Variants in ARSH observed in about 807,000 individuals in gnomAD.
ARSH encodes arylsulfatase H.
A neutral mutation model predicts 28.7 loss-of-function variants in ARSH; 32 were observed. That is an observed-to-expected ratio of 1.11 (90% CI 0.84 to 1.50). The LOEUF is 1.50. Among genes scored for constraint, ARSH ranks in the 40% most tolerant of loss-of-function variants. ARSH has a pLI of 0.00. For missense variants in ARSH, 440 were observed against 452.4 expected (o/e 0.97, Z 0.25); for synonymous variants, 176 against 177.3 (o/e 0.99, Z 0.06).
intron 5 of ARSH, among the ~76,000 whole-genome samples, chrX:3,019,999 A>T (rs949032079): frequency 4.6e-5 from 5 of 109,644 alleles, no homozygotes; most frequent in Non-Finnish European, 1.9e-5. Context: ...TAGAATACAG[A>T]GAGGGGCCAG....
At chrX:3,020,971 C>T (rs2089882242) in intron 5 of ARSH, among the ~76,000 whole-genome samples, 1 of 111,088 alleles carries the variant, frequency 9.0e-6, no homozygotes, top group South Asian at 3.7e-4. Flanking sequence ...TACACACACC[C>T]CATATGGTTT....
Position 3,017,378 on chromosome X carries a change from C to CA in ARSH, c.765-1154dup, listed in dbSNP as rs756054558. Among the ~76,000 whole-genome samples the CA allele has an allele frequency of 5.1e-4, 56 of 110,315 alleles. 1 individual carries two copies. In the South Asian group the frequency reaches 0.019, roughly 38 times the overall value. Reference sequence around the variant, plus strand: ...CCCAGGAGTTTGACACCAGACTGGGCAATATAGTGAGCTCCCATCTCTACA... The same window carrying CA: ...CCCAGGAGTTTGACACCAGACTGGGCAAATATAGTGAGCTCCCATCTCTACA... On this transcript the variant is annotated intron_variant, in intron 4 of 8. Transcript: ENST00000381130.
chrX:3,032,756 C>T (rs762496794), intron 8 of ARSH, among the ~76,000 whole-genome samples: 4 of 111,839 alleles, frequency 3.6e-5, no homozygotes, highest in Non-Finnish European at 7.5e-5. Flanking sequence ...ATTTGGTATT[C>T]CCAGAATTAC....
rs146474927 is a variant in ARSH at position 3,013,190 on chromosome X, T to C, written c.340+18T>C. 1 of 1,197,214 alleles carries C rather than the reference T, an allele frequency of 8.4e-7. No homozygotes were observed. Among genetic ancestry groups the C allele is most frequent in the East Asian group, 3.0e-5 (1 of 33,122 alleles). ...ACTCATAGGTATGGCGCCGGAACTC[T>C]GCCCGTGGAAACGTGATCCTGCAGC... On this transcript the variant is annotated intron_variant, in intron 3 of 8. Transcript: ENST00000381130.
intron 4 of ARSH, among the ~76,000 whole-genome samples, chrX:3,016,119 T>A: frequency 9.3e-6 from 1 of 107,344 alleles, no homozygotes; most frequent in African/African-American, 3.4e-5. Context: ...CAAGTGATCC[T>A]CCCACCTCAG....
chrX:3,012,387 C>T (rs972168392), intron 2 of ARSH, among the ~76,000 whole-genome samples: 1 of 100,510 alleles, frequency 9.9e-6, no homozygotes, highest in Non-Finnish European at 2.0e-5. Flanking sequence ...AAAACACACA[C>T]ACAAAAAATA....
chrX:3,013,591 G>A (rs2089857397), intron 3 of ARSH, among the ~76,000 whole-genome samples: 1 of 107,444 alleles, frequency 9.3e-6, no homozygotes, highest in Admixed American at 1.0e-4. Flanking sequence ...GGCGGGGGTG[G>A]GGGTTTGGGG....
At position 3,029,339 on chromosome X, in the gene ARSH, T is replaced by A. The variant is rs1260046688; in HGVS notation, c.1292T>A (p.Leu431Gln). ...CTCTTCCACTACTGTGGGGTCTATCTGCACACGGTCAGGTGGCATCAGAAG... is the reference window on the plus strand; with the variant it reads ...CTCTTCCACTACTGTGGGGTCTATCAGCACACGGTCAGGTGGCATCAGAAG... ...EFLFHYCGVY[L>Q]HTVRWHQKDC... is the part of the protein sequence containing the mutation. The change falls in exon 8 of 9, where the codon CTG (leucine) becomes CAG (glutamine). Residue 431 changes from leucine (L) to glutamine (Q), a missense_variant. By Grantham distance (113) the Leu-to-Gln change is moderately radical. Transcript: ENST00000381130. The A allele has an allele frequency of 1.6e-5, 19 of 1,210,794 alleles. No individual in the cohort carries two copies. Among genetic ancestry groups the A allele is most frequent in the Non-Finnish European group, 5.6e-6 (5 of 895,120 alleles).
In ARSH at chrX:3,015,353, G is replaced by A. The variant is rs1021593742; in HGVS notation, c.724G>A (p.Ala242Thr). Residue 242 changes from alanine (A) to threonine (T), a missense_variant, in exon 4 of 9, where the codon GCT (alanine) becomes ACT (threonine). By Grantham distance (58) the Ala-to-Thr change is moderately conservative. Coordinates refer to ENST00000381130, the MANE Select transcript of ARSH (RefSeq NM_001011719.2). Reference protein sequence around the residue: ...IQQPMKEEKVASLMLKEALAF... With the variant: ...IQQPMKEEKVTSLMLKEALAF... The stretch of plus-strand genomic sequence containing the variant: ...GCAGCCAATGAAAGAGGAGAAAGTA[G>A]CTTCCCTCATGCTGAAGGAGGCACT... 1 of 1,209,952 alleles carries A rather than the reference G, an allele frequency of 8.3e-7. No homozygotes were observed. The highest frequency in any genetic ancestry group is 1.1e-6 in the Non-Finnish European group (1 of 895,238).
rs937609255 is a variant in ARSH at position 3,024,036 on chromosome X, C to T, written c.917C>T (p.Ala306Val). 2.5e-6 allele frequency: 3 copies of T among 1,209,811 alleles called. No homozygotes were observed. The highest frequency in any genetic ancestry group is 1.7e-5 in the African/African-American group (1 of 57,536). Reference protein sequence around the residue: ...MDWMVGKILDALDQERLANHT... With the variant: ...MDWMVGKILDVLDQERLANHT... ...CCCTCTCCAGGTAAAATCCTGGATG[C>T]CCTGGACCAGGAGCGCCTGGCCAAC... Residue 306 changes from alanine (A) to valine (V), a missense_variant, in exon 6 of 9, where the codon GCC becomes GTC. Coordinates refer to ENST00000381130, the MANE Select transcript of ARSH (RefSeq NM_001011719.2).
At chrX:3,008,065 T>C (rs1458626989) in intron 1 of ARSH, among the ~76,000 whole-genome samples, 2 of 112,098 alleles carry the variant, frequency 1.8e-5, no homozygotes, top group African/African-American at 6.5e-5. Flanking sequence ...AGGGACACAA[T>C]TTAGCTCATA....
In ARSH at chrX:3,023,674, A is replaced by G. The variant is rs763707746; in HGVS notation, c.902-347A>G. Among the ~76,000 whole-genome samples the G allele has an allele frequency of 1.3e-3, 134 of 107,121 alleles. 1 individual carries two copies. Among genetic ancestry groups the G allele is most frequent in the Non-Finnish European group, 5.9e-4 (31 of 52,361 alleles). 93.0% of individuals were successfully genotyped at this position (107,121 alleles called of 115,157 possible). A position where few individuals can be genotyped will look rare whatever the true frequency, so the allele number is the denominator to read the frequency against. ...TACATCATGTTATATATTAATATGT[A>G]TTTGTAAGAAATATGTACTATATAT... On this transcript the variant is annotated intron_variant, in intron 5 of 8. Transcript: ENST00000381130.
At position 3,029,308 on chromosome X, in the gene ARSH, G is replaced by T; in HGVS notation, c.1261G>T (p.Glu421Ter). 8.3e-6 allele frequency: 10 copies of T among 1,210,815 alleles called. No homozygotes were observed. The highest frequency in any genetic ancestry group is 1.1e-5 in the Non-Finnish European group (10 of 895,120). Reference protein sequence around the residue: ...LEGRASHSDHEFLFHYCGVYL... With the variant: ...LEGRASHSDH ...AGGAAGGGCGTCCCACTCCGACCAC[G>T]AGTTCCTCTTCCACTACTGTGGGGT... Residue 421 changes from glutamate to a stop codon, truncating the protein, a stop_gained, in exon 8 of 9, where the codon GAG (glutamate) becomes TAG (stop). Transcript: ENST00000381130. LOFTEE classifies it high-confidence loss of function.
chrX:3,006,724 C>G lies in ARSH; in HGVS notation c.92+20C>G, dbSNP rs1026915918. On this transcript the variant is annotated intron_variant, in intron 1 of 8. Transcript: ENST00000381130. ...AGTGAGGTAAAGATGGACTCTGACC[C>G]CCTCCCTGTATGTGGGAGTCTCCCT... The G allele has an allele frequency of 1.7e-6, 2 of 1,162,545 alleles. No individual in the cohort carries two copies.
chrX:3,016,562 C>T (rs1423874786), intron 4 of ARSH, among the ~76,000 whole-genome samples: 2 of 110,389 alleles, frequency 1.8e-5, no homozygotes, highest in Admixed American at 1.9e-4. Flanking sequence ...TACCAGCTCA[C>T]TCCTACGTTA....
At chrX:3,028,461 G>A (rs757032191) in intron 7 of ARSH, among the ~76,000 whole-genome samples, 5 of 109,568 alleles carry the variant, frequency 4.6e-5, no homozygotes, top group East Asian at 3.0e-4. Context: ...CACCCACCTC[G>A]GCCTCCCAAA....
intron 2 of ARSH, among the ~76,000 whole-genome samples, chrX:3,011,027 C>G (rs988045738): frequency 5.4e-5 from 6 of 110,800 alleles, no homozygotes; most frequent in Non-Finnish European, 9.4e-5. Context: ...GTTTTTGTCC[C>G]ATAAATATTG....
At chrX:3,032,885 T>C (rs1280933875) in intron 8 of ARSH, 133 bp from the exon 9 acceptor site, 2 of 617,209 alleles carry the variant, frequency 3.2e-6, no homozygotes, top group African/African-American at 4.5e-5. Context: ...GAAATGCTAC[T>C]GTTGCTGTGT....
chrX:3,033,138 T>G lies in ARSH; in HGVS notation c.1442T>G (p.Leu481Arg). The G allele has an allele frequency of 8.3e-7, 1 of 1,211,311 alleles. No homozygotes were observed. The highest frequency in any genetic ancestry group is 1.1e-6 in the Non-Finnish European group (1 of 895,453). ...SGDVTYHDPPLLFDISRDPSE... is the reference protein window; with the variant it reads ...SGDVTYHDPPRLFDISRDPSE... ...GATGTAACCTACCACGACCCACCAC[T>G]CCTCTTTGACATCTCAAGAGACCCT... is the stretch of plus-strand genomic sequence containing the variant. Residue 481 changes from leucine to arginine, a missense_variant, in exon 9 of 9, where the codon CTC (leucine) becomes CGC (arginine). Leu to Arg is a moderately radical substitution (Grantham distance 102). Transcript: ENST00000381130.
Sources: allele counts gnomAD v4.1 joint callset (sites outside exome capture counted in the v4.1 genomes callset), GRCh38; gene constraint gnomAD v4.1.1; transcripts MANE v1.5; gene names NCBI Gene and HGNC (gene_info 2026-07-23, HGNC 2026-07-21).